Variants in ZFAND6 observed in about 807,000 individuals in gnomAD.
ZFAND6 encodes AN1-type zinc finger protein 6.
In ZFAND6, 12 loss-of-function variants were observed where a neutral mutation model predicts 24.5. The ratio of observed to expected loss-of-function variants is 0.49; its 90% CI spans 0.31 to 0.79. The LOEUF (loss-of-function observed/expected upper bound fraction) is 0.79. Among genes scored for constraint, ZFAND6 ranks in the 30% least tolerant of loss-of-function variants. The pLI, the probability that ZFAND6 is intolerant of heterozygous loss-of-function variation, is 0.04. For synonymous variants in ZFAND6, 92 were observed against 81.5 expected (o/e 1.13, Z -0.69); for missense variants, 207 against 245.9 (o/e 0.84, Z 1.06).
chr15:80,096,946 T>C (rs1188924030), intron 1 of ZFAND6, among the ~76,000 whole-genome samples: 4 of 152,122 alleles, frequency 2.6e-5, no homozygotes, highest in African/African-American at 9.7e-5. Flanking sequence ...TCTTTCTCTG[T>C]ATTGTGGCTT....
intron 2 of ZFAND6, among the ~76,000 whole-genome samples, chr15:80,117,725 G>T (rs1054676243): frequency 3.9e-5 from 6 of 152,086 alleles, no homozygotes; most frequent in Non-Finnish European, 5.9e-5. Flanking sequence ...TGTATTCAGG[G>T]TCAAGATTTA....
chr15:80,066,166 C>T (rs945355369), intron 1 of ZFAND6, among the ~76,000 whole-genome samples: 9 of 152,084 alleles, frequency 5.9e-5, no homozygotes, highest in Non-Finnish European at 8.8e-5. Context: ...AAAGAATTTT[C>T]AGATTTCGAC....
At chr15:80,078,772 T>TATTTTG (rs1462073433) in intron 1 of ZFAND6, among the ~76,000 whole-genome samples, 1 of 152,186 alleles carries the variant, frequency 6.6e-6, no homozygotes, top group African/African-American at 2.4e-5. Flanking sequence ...CTTGAGATGA[T>TATTTTG]ATTTTGATTT....
rs1010911186 is a variant in ZFAND6, at chr15:80,138,188, TGTAA to T, written c.*563_*566del. On this transcript the variant is annotated 3_prime_UTR_variant, in exon 7 of 7. Coordinates refer to ENST00000261749, the MANE Select transcript of ZFAND6 (RefSeq NM_019006.4). ...ACAAGAGAGTGTGTGCTGATGAGATTGTAAGTTTGTGTGTTTAAACTTTTTTTTG... is the reference window on the plus strand; with the variant it reads ...ACAAGAGAGTGTGTGCTGATGAGATTGTTTGTGTGTTTAAACTTTTTTTTG... 8 of 152,670 alleles carry T rather than the reference TGTAA, an allele frequency of 5.2e-5. No homozygotes were observed. Among genetic ancestry groups the T allele is most frequent in the African/African-American group, 1.9e-4 (8 of 41,450 alleles). 9.5% of individuals were successfully genotyped at this position (152,670 alleles called of 1,614,324 possible).
intron 2 of ZFAND6, among the ~76,000 whole-genome samples, chr15:80,102,516 G>A (rs1484971639): frequency 6.6e-6 from 1 of 152,176 alleles, no homozygotes; most frequent in Non-Finnish European, 1.5e-5. Context: ...TGAGCCATCT[G>A]TTTATATGTG....
rs561666850 is a variant in ZFAND6 at position 80,118,229 on chromosome 15, C to T, written c.-17-2099C>T. 2.6e-5 allele frequency among the ~76,000 whole-genome samples: 4 copies of T among 152,118 alleles called. No individual in the cohort carries two copies. In the South Asian group the frequency reaches 8.3e-4, roughly 32 times the overall value. ...CTCCGCCTTCCCAGGTTCAAGCGAT[C>T]CTCCTGCCTCAGCCTCCCAAGTAGC... is the stretch of plus-strand genomic sequence containing the variant. On this transcript the variant is annotated intron_variant, in intron 2 of 6. Coordinates refer to ENST00000261749, the MANE Select transcript of ZFAND6 (RefSeq NM_019006.4).
intron 1 of ZFAND6, among the ~76,000 whole-genome samples, chr15:80,092,743 G>T (rs914417122): frequency 6.6e-6 from 1 of 151,932 alleles, no homozygotes; most frequent in Admixed American, 6.6e-5. Context: ...AATACCAATA[G>T]AATTTTTAAA....
chr15:80,119,165 T>C (rs2040033153), intron 2 of ZFAND6, among the ~76,000 whole-genome samples: 2 of 152,216 alleles, frequency 1.3e-5, no homozygotes, highest in African/African-American at 2.4e-5. Context: ...CATGGGGTTC[T>C]TCCATCTGCT....
chr15:80,082,651 A>G (rs1054563917), intron 1 of ZFAND6, among the ~76,000 whole-genome samples: 1 of 152,204 alleles, frequency 6.6e-6, no homozygotes, highest in Non-Finnish European at 1.5e-5. Context: ...TGGGAAAGGT[A>G]GGAAAGATTG....
At chr15:80,103,618 C>T (rs2039151938) in intron 2 of ZFAND6, among the ~76,000 whole-genome samples, 1 of 152,130 alleles carries the variant, frequency 6.6e-6, no homozygotes, top group South Asian at 2.1e-4. Flanking sequence ...GCCATCTGAG[C>T]CCCTTTATTT....
At chr15:80,059,232 G>C (rs1249847325), upstream of ZFAND6, among the ~76,000 whole-genome samples, 2 of 152,214 alleles carry the variant, frequency 1.3e-5, no homozygotes, top group African/African-American at 2.4e-5. Context: ...CAAGTGGCAG[G>C]TGGAGTGCAA....
chr15:80,115,653 ACATTTTATGGCCT>A, intron 2 of ZFAND6, among the ~76,000 whole-genome samples: 1 of 151,720 alleles, frequency 6.6e-6, no homozygotes, highest in East Asian at 1.9e-4. Flanking sequence ...ATGTAAAGGT[ACATTTTATGGCCT>A]AACGATTAAT....
intron 1 of ZFAND6, among the ~76,000 whole-genome samples, chr15:80,068,465 G>C (rs533126774): frequency 6.6e-6 from 1 of 151,630 alleles, no homozygotes. Context: ...TCCAGCCCCC[G>C]GGTTCAAGTG....
At chr15:80,073,537 T>C (rs2037096645) in intron 1 of ZFAND6, among the ~76,000 whole-genome samples, 1 of 152,058 alleles carries the variant, frequency 6.6e-6, no homozygotes, top group East Asian at 1.9e-4. Context: ...TTTTCAGCCA[T>C]TGTATTTGCT....
intron 6 of ZFAND6, among the ~76,000 whole-genome samples, chr15:80,132,697 C>T (rs773507711): frequency 6.6e-6 from 1 of 152,102 alleles, no homozygotes; most frequent in Admixed American, 6.5e-5. Context: ...TATTTTTCAT[C>T]GTGTTTAATG....
At chr15:80,129,330 A>G (rs1596316781) in intron 5 of ZFAND6, among the ~76,000 whole-genome samples, 1 of 152,230 alleles carries the variant, frequency 6.6e-6, no homozygotes, top group Admixed American at 6.5e-5. Flanking sequence ...GTAACATGCT[A>G]TAGAGTTTGT....
chr15:80,099,817 A>G (rs2038939587), intron 2 of ZFAND6, among the ~76,000 whole-genome samples: 1 of 152,078 alleles, frequency 6.6e-6, no homozygotes, highest in Non-Finnish European at 1.5e-5. Context: ...GGGTTTCACC[A>G]TGTTGGCCAG....
intron 1 of ZFAND6, among the ~76,000 whole-genome samples, chr15:80,061,864 T>TA (rs2036352832): frequency 6.6e-6 from 1 of 152,152 alleles, no homozygotes; most frequent in Non-Finnish European, 1.5e-5. Context: ...TAGATTGAAT[T>TA]ACTTAGAAAT....
At chr15:80,132,400 A>G (rs140650666) in intron 6 of ZFAND6, among the ~76,000 whole-genome samples, 16 of 152,362 alleles carry the variant, frequency 1.1e-4, no homozygotes, top group Admixed American at 7.2e-4. Flanking sequence ...AAACTTGCCT[A>G]TACAATATGC....
Sources: allele counts gnomAD v4.1 joint callset (sites outside exome capture counted in the v4.1 genomes callset), GRCh38; gene constraint gnomAD v4.1.1; transcripts MANE v1.5; gene names NCBI Gene and HGNC (gene_info 2026-07-23, HGNC 2026-07-21).